NDE1: variants seen among roughly 807,000 people sequenced by gnomAD.
The protein encoded by NDE1 is nudE neurodevelopment protein 1.
A neutral mutation model predicts 43.4 loss-of-function variants in NDE1; 28 were observed. That is an observed-to-expected ratio of 0.65 (90% confidence interval 0.48 to 0.89). NDE1 has a LOEUF of 0.89. Among genes scored for constraint, NDE1 ranks in the 40% least tolerant of loss-of-function variants. The pLI is 0.00. For missense variants in NDE1, 441 were observed against 434.1 expected (o/e 1.02, Z -0.14); for synonymous variants, 184 against 172.0 (o/e 1.07, Z -0.55).
At chr16:15,690,183 T>C (rs972192842) in intron 5 of NDE1, among the ~76,000 whole-genome samples, 1 of 151,842 alleles carries the variant, frequency 6.6e-6, no homozygotes, top group African/African-American at 2.4e-5. Context: ...CAGCTGGGAC[T>C]ACAGGCGCTC....
In NDE1 at chr16:15,699,630, C is replaced by G. The variant is rs1249718530; in HGVS notation, c.947+2770C>G. On this transcript the variant is annotated intron_variant, in intron 8 of 8. Transcript: ENST00000396354. Reference sequence around the variant, plus strand: ...ATTGAGACCCTGTGAGACCCTGCTCCTGACTCTTGATGTTCACCCTTATAA... The same window carrying G: ...ATTGAGACCCTGTGAGACCCTGCTCGTGACTCTTGATGTTCACCCTTATAA... 4 of 1,262,284 alleles carry G rather than the reference C, an allele frequency of 3.2e-6. No individual in the cohort carries two copies. The African/African-American group carries it at 6.2e-5, about 20-fold the overall frequency. 78.2% of individuals were successfully genotyped at this position (1,262,284 alleles called of 1,614,324 possible). A position where few individuals can be genotyped will look rare whatever the true frequency, so the allele number is the denominator to read the frequency against.
chr16:15,669,802 G>A (rs2037501789), intron 3 of NDE1, among the ~76,000 whole-genome samples: 1 of 152,174 alleles, frequency 6.6e-6, no homozygotes, highest in Admixed American at 6.6e-5. Context: ...ACCACACTGT[G>A]GGATGTTTGG....
At chr16:15,721,058 G>A in intron 8 of NDE1, 1 of 1,613,542 alleles carries the variant, frequency 6.2e-7, no homozygotes, top group Non-Finnish European at 8.5e-7. Flanking sequence ...GGACCTGCCG[G>A]CAGAGCGGGC....
chr16:15,675,424 GTT>G lies in NDE1; in HGVS notation c.238-2363_238-2362del, dbSNP rs11352866. Among the ~76,000 whole-genome samples the G allele has an allele frequency of 1.5e-3, 201 of 136,306 alleles. 1 individual carries two copies. Among genetic ancestry groups the G allele is most frequent in the African/African-American group, 3.0e-3 (111 of 36,818 alleles). 89.4% of individuals were successfully genotyped at this position (136,306 alleles called of 152,430 possible). A position where few individuals can be genotyped will look rare whatever the true frequency, so the allele number is the denominator to read the frequency against. On this transcript the variant is annotated intron_variant, in intron 3 of 8. Transcript: ENST00000396354. Reference sequence around the variant, plus strand: ...CATGTTGCCAGGCTGGTGATTTTGGGTTTTTTTTTTTTTTTGCTTGTTTTTTT... The same window carrying G: ...CATGTTGCCAGGCTGGTGATTTTGGGTTTTTTTTTTTTTGCTTGTTTTTTT...
At chr16:15,721,639 AAC>A in intron 8 of NDE1, 1 of 1,614,150 alleles carries the variant, frequency 6.2e-7, no homozygotes, top group South Asian at 1.1e-5. Context: ...TAACAACTAC[AAC>A]ACAAGACCCA....
intron 8 of NDE1, chr16:15,719,431 C>T (rs1015481365): frequency 2.2e-5 from 32 of 1,473,532 alleles, no homozygotes; most frequent in South Asian, 5.7e-5. Context: ...GGGGAGGCCC[C>T]GTGAATACAT....
intron 8 of NDE1, among the ~76,000 whole-genome samples, chr16:15,707,762 A>G (rs1428493214): frequency 6.6e-6 from 1 of 152,176 alleles, no homozygotes; most frequent in African/African-American, 2.4e-5. Flanking sequence ...ACCTGAAGTC[A>G]GGAGTTTGAG....
Position 15,703,925 on chromosome 16 carries a change from GTTTT to G in NDE1, c.947+7070_947+7073del, listed in dbSNP as rs5815842. ...TTGCTTTGTTCTGGGTTGTTGTTGG[GTTTT>G]TTTTGTTTGTTTGTTTTGGTTTTTG... On this transcript the variant is annotated intron_variant, in intron 8 of 8. Transcript: ENST00000396354. 16 of 1,606,350 alleles carry G rather than the reference GTTTT, an allele frequency of 1.0e-5. 1 individual carries two copies. The Admixed American group carries it at 1.2e-4, about 12-fold the overall frequency.
rs369950711 is a variant in NDE1, at chr16:15,715,029, G to A, written c.948-9162G>A. On this transcript the variant is annotated intron_variant, in intron 8 of 8. Coordinates refer to ENST00000396354, the MANE Select transcript of NDE1 (RefSeq NM_017668.3). ...GTTGATGCGCTGGGACTCCTCCTCT[G>A]CCTCCTCCAGCTGCCTCTTGAGCTG... is the stretch of plus-strand genomic sequence containing the variant. 95 of 1,613,648 alleles carry A rather than the reference G, an allele frequency of 5.9e-5. No homozygotes were observed. The highest frequency in any genetic ancestry group is 8.0e-5 in the Non-Finnish European group (94 of 1,180,022).
At chr16:15,709,881 A>G (rs1050870516) in intron 8 of NDE1, among the ~76,000 whole-genome samples, 3 of 152,114 alleles carry the variant, frequency 2.0e-5, no homozygotes, top group Non-Finnish European at 4.4e-5. Context: ...CTCTTGCCGG[A>G]GGTAACTGGC....
rs533874732 is a variant in NDE1 at position 15,715,336 on chromosome 16, C to T, written c.948-8855C>T. On this transcript the variant is annotated intron_variant, in intron 8 of 8. Coordinates refer to ENST00000396354, the MANE Select transcript of NDE1 (RefSeq NM_017668.3). Reference sequence around the variant, plus strand: ...GTGGCACCCCTTGTAGCTGGTGTGTCACCTGGAGGTGGCATCTTGAGTGCT... The same window carrying T: ...GTGGCACCCCTTGTAGCTGGTGTGTTACCTGGAGGTGGCATCTTGAGTGCT... 64 of 1,529,548 alleles carry T rather than the reference C, an allele frequency of 4.2e-5. 1 individual carries two copies. In the South Asian group the frequency reaches 6.5e-4, roughly 16 times the overall value. The allele number at this position is 1,529,548 out of a possible 1,614,324, so 94.7% of individuals were successfully genotyped here.
chr16:15,689,442 T>C (rs1668827297), intron 5 of NDE1, among the ~76,000 whole-genome samples: 1 of 152,104 alleles, frequency 6.6e-6, no homozygotes, highest in East Asian at 1.9e-4. Context: ...CATTGAGCTA[T>C]GATTGTGCCA....
At chr16:15,685,118 T>C (rs1335103908) in intron 4 of NDE1, among the ~76,000 whole-genome samples, 1 of 152,268 alleles carries the variant, frequency 6.6e-6, no homozygotes, top group Non-Finnish European at 1.5e-5. Flanking sequence ...ATGTCTGCAT[T>C]TCTGCAAGCA....
chr16:15,654,173 G>A (rs1362095526), intron 1 of NDE1, among the ~76,000 whole-genome samples: 1 of 152,126 alleles, frequency 6.6e-6, no homozygotes, highest in Non-Finnish European at 1.5e-5. Flanking sequence ...TGGTGTGGTG[G>A]CGTATTAAGA....
At chr16:15,720,210 G>C (rs1394409011) in intron 8 of NDE1, 2 of 1,614,138 alleles carry the variant, frequency 1.2e-6, no homozygotes, top group African/African-American at 1.3e-5. Flanking sequence ...GAGTCGGCCT[G>C]AAGCTCCAGG....
At chr16:15,696,635 C>A in intron 7 of NDE1, 74 bp from the exon 8 acceptor site, 1 of 1,611,926 alleles carries the variant, frequency 6.2e-7, no homozygotes, top group South Asian at 1.1e-5. Flanking sequence ...GGGGTTCGTT[C>A]TTCTGTACAG....
chr16:15,663,750 A>G (rs770290452), intron 1 of NDE1, among the ~76,000 whole-genome samples: 14 of 152,124 alleles, frequency 9.2e-5, no homozygotes, highest in Non-Finnish European at 1.5e-4. Context: ...TTCTGTGGCT[A>G]TACTAGGCAC....
intron 7 of NDE1, among the ~76,000 whole-genome samples, chr16:15,695,128 G>T (rs2038947005): frequency 6.6e-6 from 1 of 151,008 alleles, no homozygotes; most frequent in Admixed American, 6.6e-5. Flanking sequence ...GAGGCTGAGT[G>T]AGCTGAGATT....
intron 4 of NDE1, chr16:15,686,909 C>G: frequency 1.1e-6 from 1 of 897,062 alleles, no homozygotes; most frequent in Non-Finnish European, 1.3e-6. Context: ...GCTTGCCAGG[C>G]TGGTCTTGAA....
Sources: allele counts gnomAD v4.1 joint callset (sites outside exome capture counted in the v4.1 genomes callset), GRCh38; gene constraint gnomAD v4.1.1; transcripts MANE v1.5; gene names NCBI Gene and HGNC (gene_info 2026-07-23, HGNC 2026-07-21).